PPP2R2C: variants seen among roughly 807,000 people sequenced by gnomAD.
PPP2R2C encodes protein phosphatase 2 regulatory subunit Bgamma.
PPP2R2C carries 10 observed loss-of-function variants against 45.3 expected under a neutral mutation model. The observed-to-expected ratio is 0.22, with a 90% CI of 0.14 to 0.37. PPP2R2C has a LOEUF of 0.37. PPP2R2C is among the 10% of genes least tolerant of loss of function. The pLI is 1.00. For missense variants in PPP2R2C, 308 were observed against 619.7 expected, an observed-to-expected ratio of 0.50 and a Z score of 5.34; for synonymous variants, 257 against 245.4, an observed-to-expected ratio of 1.05 and a Z score of -0.44.
intron 1 of PPP2R2C, chr4:6,382,671 T>A (rs1316905336): frequency 0.045 from 6,124 of 135,882 alleles, 23 homozygotes; most frequent in Non-Finnish European, 0.057. Flanking sequence ...TCTCTCTCTC[T>A]CTCTCACACA....
chr4:6,530,799 C>T (rs1227237904), intron 2 of PPP2R2C, among the ~76,000 whole-genome samples: 1 of 152,214 alleles, frequency 6.6e-6, no homozygotes, highest in Non-Finnish European at 1.5e-5. Flanking sequence ...CTGTAAGTGG[C>T]CATCCCAACT....
chr4:6,341,445 G>A (rs1232559047), intron 6 of PPP2R2C, among the ~76,000 whole-genome samples: 1 of 151,966 alleles, frequency 6.6e-6, no homozygotes, highest in Non-Finnish European at 1.5e-5. Context: ...TTGAAGGCAT[G>A]AGACTCTCTG....
At chr4:6,344,319 G>T (rs893054039) in intron 6 of PPP2R2C, among the ~76,000 whole-genome samples, 2 of 152,222 alleles carry the variant, frequency 1.3e-5, no homozygotes, top group African/African-American at 4.8e-5. Flanking sequence ...CATATTTCTC[G>T]CACTGTTGAG....
intron 2 of PPP2R2C, among the ~76,000 whole-genome samples, chr4:6,530,549 C>G (rs181088234): frequency 4.6e-5 from 7 of 152,160 alleles, no homozygotes; most frequent in African/African-American, 1.7e-4. Context: ...TGTCACCCAC[C>G]ACGCAACTGA....
chr4:6,437,677 AG>A (rs1274320484), intron 1 of PPP2R2C, among the ~76,000 whole-genome samples: 2 of 152,260 alleles, frequency 1.3e-5, no homozygotes, highest in Non-Finnish European at 2.9e-5. Flanking sequence ...TGCACAGGAA[AG>A]GTACAGCGGC....
intron 1 of PPP2R2C, among the ~76,000 whole-genome samples, chr4:6,398,380 T>A (rs1717197112): frequency 6.6e-6 from 1 of 152,160 alleles, no homozygotes; most frequent in African/African-American, 2.4e-5. Context: ...AGCCCGGATG[T>A]ATAAAGACCT....
chr4:6,541,152 C>G (rs988324218), intron 1 of PPP2R2C, among the ~76,000 whole-genome samples: 1 of 152,144 alleles, frequency 6.6e-6, no homozygotes, highest in Non-Finnish European at 1.5e-5. Flanking sequence ...AGCTTATGTC[C>G]CATTGGTTAG....
chr4:6,507,593 G>A (rs1219619965), intron 2 of PPP2R2C, among the ~76,000 whole-genome samples: 1 of 152,244 alleles, frequency 6.6e-6, no homozygotes, highest in African/African-American at 2.4e-5. Context: ...AGGCCCAGGT[G>A]AGCTTCCAGA....
In PPP2R2C at chr4:6,541,426, T is replaced by G. The variant is rs113316941; in HGVS notation, c.-58-6049A>C. On this transcript the variant is annotated intron_variant, in intron 1 of 9. Coordinates refer to the PPP2R2C transcript ENST00000506140. The stretch of plus-strand genomic sequence containing the variant: ...AATATCTGTTTCTCTCTGCCTGCTG[T>G]CCACCACATAGGTTCCCTGTCACAC... 7.3e-3 allele frequency among the ~76,000 whole-genome samples: 1,113 copies of G among 152,270 alleles called. 17 individuals are homozygous for G. The highest frequency in any genetic ancestry group is 0.025 in the African/African-American group (1,054 of 41,538).
chr4:6,358,747 G>GCTATCAT (rs1713462757), intron 5 of PPP2R2C, among the ~76,000 whole-genome samples: 1 of 152,216 alleles, frequency 6.6e-6, no homozygotes, highest in Non-Finnish European at 1.5e-5. Context: ...ATGAAAAGAT[G>GCTATCAT]CTATCATCAC....
intron 6 of PPP2R2C, among the ~76,000 whole-genome samples, chr4:6,341,411 T>G (rs1733437848): frequency 6.6e-6 from 1 of 150,998 alleles, no homozygotes; most frequent in Admixed American, 6.6e-5. Context: ...GCTTCTGTGA[T>G]GAGAAAGGGA....
chr4:6,477,061 C>A (rs1018500615), upstream of PPP2R2C, among the ~76,000 whole-genome samples: 1 of 151,890 alleles, frequency 6.6e-6, no homozygotes, highest in Admixed American at 6.6e-5. Context: ...CAAGACCAGC[C>A]GAGGCAACAT....
At position 6,435,973 on chromosome 4, in the gene PPP2R2C, T is replaced by A. The variant is rs534926786; in HGVS notation, c.70+36187A>T. On this transcript the variant is annotated intron_variant, in intron 1 of 8. Coordinates refer to ENST00000382599, the MANE Select transcript of PPP2R2C (RefSeq NM_020416.4). ...CCCCCAATGTGATGGTCTTAGGAAG[T>A]AACGTCTTTCAGAACTGATTAGGTC... Among the ~76,000 whole-genome samples, 23 of 152,292 alleles carry A rather than the reference T, an allele frequency of 1.5e-4. No homozygotes were observed. The South Asian group carries it at 4.4e-3, about 29-fold the overall frequency.
In PPP2R2C at chr4:6,449,749, G is replaced by A. The variant is rs569417408; in HGVS notation, c.70+22411C>T. Among the ~76,000 whole-genome samples the A allele has an allele frequency of 5.3e-5, 8 of 152,316 alleles. 1 individual carries two copies. The highest frequency in any genetic ancestry group is 6.8e-3 in the Middle Eastern group (2 of 294). ...AGTTCTGGAAAATGGGTTCCATCCC[G>A]CACAAGGGCCTGCTCTGAATGGCCA... On this transcript the variant is annotated intron_variant, in intron 1 of 8. Coordinates refer to ENST00000382599, the MANE Select transcript of PPP2R2C (RefSeq NM_020416.4).
rs201237181 is a variant in PPP2R2C at position 6,505,998 on chromosome 4, AT to A, written c.49+29272del. 8.8e-3 allele frequency among the ~76,000 whole-genome samples: 1,339 copies of A among 152,320 alleles called. 12 individuals are homozygous for A. The highest frequency in any genetic ancestry group is 0.024 in the African/African-American group (990 of 41,570). ...TTTTTTTTAATTAAAAAAATAAAAA[AT>A]AAAATCCAAGAATGAAATACTGCTT... On this transcript the variant is annotated intron_variant, in intron 2 of 9. Coordinates refer to the PPP2R2C transcript ENST00000506140.
In PPP2R2C at chr4:6,472,368, C is replaced by T. The variant is rs1406049638; in HGVS notation, c.-139G>A. On this transcript the variant is annotated 5_prime_UTR_variant, in exon 1 of 9. Transcript: ENST00000382599. Reference sequence around the variant, plus strand: ...CGCCGGGGCCCCGAAGGGAGGGCATCGCGGCAGGGGGACGGGCGGGGGCGG... The same window carrying T: ...CGCCGGGGCCCCGAAGGGAGGGCATTGCGGCAGGGGGACGGGCGGGGGCGG... 2.7e-6 allele frequency: 3 copies of T among 1,118,616 alleles called. No individual in the cohort carries two copies. The highest frequency in any genetic ancestry group is 1.0e-4 in the Admixed American group (2 of 19,406). The allele number at this position is 1,118,616 out of a possible 1,614,324, so 69.3% of individuals were successfully genotyped here. A position where few individuals can be genotyped will look rare whatever the true frequency, so the allele number is the denominator to read the frequency against.
intron 5 of PPP2R2C, chr4:6,351,074 G>A: frequency 1.0e-6 from 1 of 962,068 alleles, no homozygotes; most frequent in South Asian, 4.8e-5. Flanking sequence ...GGAGGTCAAG[G>A]CGAGCAGGTC....
rs1711801568 is a variant in PPP2R2C, at chr4:6,345,605, G to C, written c.790+2241C>G. On this transcript the variant is annotated intron_variant, in intron 6 of 8. Coordinates refer to ENST00000382599, the MANE Select transcript of PPP2R2C (RefSeq NM_020416.4). The surrounding 1 kb of genome is among the most constrained non-coding windows in gnomAD (Gnocchi z 5.3). ...TGGGAGGATGGGGGAGGGGCCACGT[G>C]CCAGGGAACGCAGCGCCTCTAGAAG... Among the ~76,000 whole-genome samples, 1 of 152,158 alleles carries C rather than the reference G, an allele frequency of 6.6e-6. No individual in the cohort carries two copies. Among genetic ancestry groups the C allele is most frequent in the African/African-American group, 2.4e-5 (1 of 41,428 alleles).
At chr4:6,450,160 G>A (rs903685437) in intron 1 of PPP2R2C, among the ~76,000 whole-genome samples, 25 of 152,182 alleles carry the variant, frequency 1.6e-4, no homozygotes, top group Admixed American at 1.2e-3. Context: ...CATCCCTGCC[G>A]GCTGTGCAGC....
Sources: gnomAD v4.1 joint callset for allele counts (sites outside exome capture counted in the v4.1 genomes callset) on GRCh38, gnomAD v4.1.1 for gene constraint, Gnocchi (gnomAD v3.1) non-coding constraint, MANE v1.5 for transcripts, NCBI Gene and HGNC (gene_info 2026-07-23, HGNC 2026-07-21) for gene names.